The following RNLS variants were observed in gnomAD, a reference collection of about 807,000 sequenced individuals.
The protein encoded by RNLS is renalase.
A neutral mutation model predicts 39.8 loss-of-function variants in RNLS; 39 were observed. That is an observed-to-expected ratio of 0.98 (90% CI 0.76 to 1.28). RNLS has a LOEUF of 1.28. RNLS is among the 50% of genes most tolerant of loss of function. The pLI is 0.00. For missense variants in RNLS, 410 were observed against 413.3 expected, an observed-to-expected ratio of 0.99 and a Z score of 0.07; for synonymous variants, 147 against 150.7, an observed-to-expected ratio of 0.98 and a Z score of 0.18.
At chr10:88,245,542 C>A in the RNLS span, among the ~76,000 whole-genome samples, 1 of 152,200 alleles carries the variant, frequency 6.6e-6, no homozygotes, top group African/African-American at 2.4e-5. Context: ...GTTAAAGTAT[C>A]ATCTGCAATG....
intron 4 of RNLS, among the ~76,000 whole-genome samples, chr10:88,495,592 C>CA (rs1301584278): frequency 1.3e-5 from 2 of 151,916 alleles, no homozygotes; most frequent in African/African-American, 4.8e-5. Context: ...AAAGGGCTAC[C>CA]AGTGGGGGAT....
chr10:88,298,700 A>AT (rs1202778109), intron 6 of RNLS, among the ~76,000 whole-genome samples: 1 of 152,174 alleles, frequency 6.6e-6, no homozygotes, highest in Non-Finnish European at 1.5e-5. Context: ...GCCTGTCCTT[A>AT]TGTCAGTACC....
intron 6 of RNLS, among the ~76,000 whole-genome samples, chr10:88,305,839 T>A (rs1206216804): frequency 1.3e-5 from 2 of 152,196 alleles, no homozygotes; most frequent in Non-Finnish European, 2.9e-5. Context: ...CTGATAGATA[T>A]CTACAGAACT....
At chr10:88,205,192 G>A in the RNLS span, among the ~76,000 whole-genome samples, 1 of 152,036 alleles carries the variant, frequency 6.6e-6, no homozygotes, top group African/African-American at 2.4e-5. Context: ...AAAACGCAAG[G>A]GTCATGCTCT....
At chr10:88,321,694 T>C (rs1325103056) in intron 5 of RNLS, among the ~76,000 whole-genome samples, 3 of 150,374 alleles carry the variant, frequency 2.0e-5, no homozygotes, top group Admixed American at 1.3e-4. Context: ...CTAGAAAACC[T>C]AGAGGAGATG....
chr10:88,346,129 A>G (rs957743894), intron 5 of RNLS, among the ~76,000 whole-genome samples: 5 of 152,142 alleles, frequency 3.3e-5, no homozygotes, highest in Non-Finnish European at 7.4e-5. Context: ...GTGGCAGAGA[A>G]ATGGCACATT....
At chr10:88,238,436 C>G in the RNLS span, among the ~76,000 whole-genome samples, 1 of 152,204 alleles carries the variant, frequency 6.6e-6, no homozygotes, top group Non-Finnish European at 1.5e-5. Context: ...CTTCTCTGAT[C>G]ACAGGAATTT....
At chr10:88,545,597 G>GA (rs1157938643) in intron 4 of RNLS, 8 of 386,584 alleles carry the variant, frequency 2.1e-5, no homozygotes, top group African/African-American at 1.7e-4. Context: ...TCCCTCCCAT[G>GA]ACACGTGGGG....
chr10:88,446,504 C>CAA (rs1279997716), intron 4 of RNLS, among the ~76,000 whole-genome samples: 2 of 152,000 alleles, frequency 1.3e-5, no homozygotes, highest in African/African-American at 2.4e-5. Context: ...AAAAACCCTT[C>CAA]AAAAAATTAA....
intron 6 of RNLS, among the ~76,000 whole-genome samples, chr10:88,298,292 C>T (rs966848169): frequency 6.6e-6 from 1 of 151,600 alleles, no homozygotes; most frequent in Non-Finnish European, 1.5e-5. Flanking sequence ...GTTATCTTTT[C>T]ACTGTTTTGA....
intron 4 of RNLS, among the ~76,000 whole-genome samples, chr10:88,509,204 G>T (rs1845954554): frequency 6.6e-6 from 1 of 152,048 alleles, no homozygotes; most frequent in South Asian, 2.1e-4. Flanking sequence ...TTAAAAAACT[G>T]TATGATTATG....
At chr10:88,409,578 AATGT>A (rs1853529099) in intron 4 of RNLS, among the ~76,000 whole-genome samples, 1 of 152,142 alleles carries the variant, frequency 6.6e-6, no homozygotes, top group Non-Finnish European at 1.5e-5. Context: ...CATATTTGAA[AATGT>A]ATGTTACTTA....
chr10:88,351,409 C>T (rs557577795), intron 5 of RNLS, among the ~76,000 whole-genome samples: 11 of 151,942 alleles, frequency 7.2e-5, no homozygotes, highest in African/African-American at 1.2e-4. Context: ...TTTTTGTGTA[C>T]GGTGTAAGGA....
chr10:88,399,903 A>G (rs1852807609), intron 4 of RNLS, among the ~76,000 whole-genome samples: 1 of 152,036 alleles, frequency 6.6e-6, no homozygotes, highest in Non-Finnish European at 1.5e-5. Flanking sequence ...GGTAGGGTTC[A>G]CTGTCCCAGA....
chr10:88,418,294 AG>A (rs1257576939), intron 4 of RNLS, among the ~76,000 whole-genome samples: 2 of 152,182 alleles, frequency 1.3e-5, no homozygotes, highest in Admixed American at 6.5e-5. Context: ...AGGAAATAAA[AG>A]CTCAGAGGTA....
the RNLS span, among the ~76,000 whole-genome samples, chr10:88,247,172 G>A: frequency 6.6e-6 from 1 of 152,142 alleles, no homozygotes; most frequent in Non-Finnish European, 1.5e-5. Context: ...CTGGCTTGGA[G>A]GGCCCTGATA....
chr10:88,513,874 T>A (rs571949095), intron 4 of RNLS, among the ~76,000 whole-genome samples: 27 of 152,276 alleles, frequency 1.8e-4, no homozygotes, highest in African/African-American at 6.5e-4. Flanking sequence ...AATGTTTAAA[T>A]ACATGACAAT....
intron 4 of RNLS, among the ~76,000 whole-genome samples, chr10:88,461,462 A>G (rs888340468): frequency 6.6e-6 from 1 of 152,156 alleles, no homozygotes; most frequent in Non-Finnish European, 1.5e-5. Context: ...ATCATAGATC[A>G]AAGCCCAGGC....
the RNLS span, among the ~76,000 whole-genome samples, chr10:88,196,114 A>G: frequency 6.6e-6 from 1 of 152,006 alleles, no homozygotes; most frequent in African/African-American, 2.4e-5. Context: ...TGCTACTTTT[A>G]TAGATGGTTG....
Sources: gnomAD v4.1 joint callset for allele counts (sites outside exome capture counted in the v4.1 genomes callset) on GRCh38, gnomAD v4.1.1 for gene constraint, MANE v1.5 for transcripts, NCBI Gene and HGNC (gene_info 2026-07-23, HGNC 2026-07-21) for gene names.